Variants in RFX4 observed in about 807,000 individuals in gnomAD.
RFX4 encodes the protein regulatory factor X4.
Under a neutral mutation model 95.0 loss-of-function variants are expected in RFX4, and 10 were observed. The ratio of observed to expected loss-of-function variants is 0.11; its 90% confidence interval spans 0.06 to 0.18. The LOEUF is 0.18. Ranked by LOEUF, RFX4 falls within the 10% of genes least tolerant of loss-of-function variation. The pLI, the probability that RFX4 is intolerant of heterozygous loss-of-function variation, is 1.00. For synonymous variants in RFX4, 321 were observed against 340.7 expected (o/e 0.94, Z 0.64); for missense variants, 640 against 922.0 (o/e 0.69, Z 3.96).
chr12:106,640,778 CTT>C (rs34232717), intron 3 of RFX4, among the ~76,000 whole-genome samples: 31 of 123,576 alleles, frequency 2.5e-4, no homozygotes, highest in African/African-American at 2.9e-4. Flanking sequence ...AATTGACAGA[CTT>C]TTTTTTTTTT....
intron 17 of RFX4, among the ~76,000 whole-genome samples, chr12:106,755,199 T>C (rs1176610493): frequency 2.6e-5 from 4 of 152,148 alleles, no homozygotes; most frequent in Non-Finnish European, 5.9e-5. Flanking sequence ...TGGGCTCAAG[T>C]GATCCTCCCA....
chr12:106,623,776 C>A (rs2040233769), intron 2 of RFX4, among the ~76,000 whole-genome samples: 1 of 152,164 alleles, frequency 6.6e-6, no homozygotes, highest in African/African-American at 2.4e-5. Context: ...CAGAGTGAGA[C>A]CCCATCTCAA....
At chr12:106,734,275 T>A (rs957931541) in intron 15 of RFX4, among the ~76,000 whole-genome samples, 5 of 152,134 alleles carry the variant, frequency 3.3e-5, no homozygotes, top group African/African-American at 1.2e-4. Context: ...ATGGTGAATG[T>A]ACTTAATGCC....
At chr12:106,694,747 A>G (rs117834283) in intron 7 of RFX4, among the ~76,000 whole-genome samples, 1 of 152,222 alleles carries the variant, frequency 6.6e-6, no homozygotes, top group East Asian at 1.9e-4. Flanking sequence ...TCGATAAAGA[A>G]AGCTAATGGC....
At chr12:106,692,172 A>G (rs1455300709) in intron 7 of RFX4, among the ~76,000 whole-genome samples, 2 of 151,532 alleles carry the variant, frequency 1.3e-5, no homozygotes, top group African/African-American at 2.4e-5. Flanking sequence ...AAAAAAAAAA[A>G]TGCAAATCTG....
At chr12:106,742,624 A>C (rs1396247040) in intron 15 of RFX4, among the ~76,000 whole-genome samples, 2 of 152,150 alleles carry the variant, frequency 1.3e-5, no homozygotes, top group Non-Finnish European at 2.9e-5. Context: ...CCTCACTCCC[A>C]ATCTACTGAA....
At chr12:106,650,921 C>T (rs781014436) in intron 3 of RFX4, among the ~76,000 whole-genome samples, 9 of 152,036 alleles carry the variant, frequency 5.9e-5, no homozygotes, top group East Asian at 1.9e-4. Context: ...TATAGCATCC[C>T]GGAAGCACTC....
intron 4 of RFX4, among the ~76,000 whole-genome samples, chr12:106,654,607 C>T (rs2137320586): frequency 6.6e-6 from 1 of 152,252 alleles, no homozygotes; most frequent in East Asian, 1.9e-4. Context: ...CTTATTTTCT[C>T]TGAGAGGCAA....
chr12:106,752,901 G>A (rs1217470286), intron 17 of RFX4, among the ~76,000 whole-genome samples: 1 of 152,006 alleles, frequency 6.6e-6, no homozygotes, highest in Non-Finnish European at 1.5e-5. Flanking sequence ...CCGACTGGTG[G>A]CCAGTTCCAC....
At chr12:106,719,736 T>C (rs2042361452) in intron 11 of RFX4, among the ~76,000 whole-genome samples, 1 of 152,082 alleles carries the variant, frequency 6.6e-6, no homozygotes, top group African/African-American at 2.4e-5. Flanking sequence ...TGGCAAGTAA[T>C]ATGGGATAGC....
At chr12:106,614,194 T>C (rs1031546108) in intron 2 of RFX4, among the ~76,000 whole-genome samples, 3 of 151,978 alleles carry the variant, frequency 2.0e-5, no homozygotes, top group Non-Finnish European at 4.4e-5. Context: ...GGAGTCTCAC[T>C]CTGTCACCCA....
chr12:106,732,287 A>G (rs7307472), intron 14 of RFX4, 38 bp downstream of exon 14: 377,357 of 1,609,544 alleles, frequency 0.23, 46,718 homozygotes, highest in South Asian at 0.28. Flanking sequence ...ACCACTTGGT[A>G]ATGTTATTTG....
At chr12:106,675,962 T>C (rs368506249) in intron 4 of RFX4, among the ~76,000 whole-genome samples, 14 of 152,206 alleles carry the variant, frequency 9.2e-5, no homozygotes, top group African/African-American at 3.4e-4. Flanking sequence ...TCTAGAGGCT[T>C]CATGGAAAAG....
At chr12:106,735,131 G>A (rs1316016906) in intron 15 of RFX4, among the ~76,000 whole-genome samples, 6 of 151,268 alleles carry the variant, frequency 4.0e-5, no homozygotes, top group Non-Finnish European at 7.4e-5. Flanking sequence ...TCTTCAAAAG[G>A]AAATATATAA....
At chr12:106,584,934 C>T (rs758253228) in intron 1 of RFX4, among the ~76,000 whole-genome samples, 2 of 152,184 alleles carry the variant, frequency 1.3e-5, no homozygotes, top group Non-Finnish European at 2.9e-5. Flanking sequence ...GCCCTGCGTG[C>T]CTCTCCGGAC....
chr12:106,620,903 A>G (rs1368393179), intron 2 of RFX4, among the ~76,000 whole-genome samples: 1 of 152,162 alleles, frequency 6.6e-6, no homozygotes, highest in East Asian at 1.9e-4. Context: ...AAAAGAATTT[A>G]GTATATCTTC....
intron 9 of RFX4, among the ~76,000 whole-genome samples, chr12:106,710,623 C>T (rs916466594): frequency 2.6e-5 from 4 of 152,106 alleles, no homozygotes; most frequent in African/African-American, 7.2e-5. Context: ...TTAATTATGC[C>T]GACAAAACAA....
At chr12:106,758,277 AG>A (rs1566010481) in intron 17 of RFX4, among the ~76,000 whole-genome samples, 2 of 152,190 alleles carry the variant, frequency 1.3e-5, no homozygotes, top group Non-Finnish European at 2.9e-5. Flanking sequence ...TGAGCACTTC[AG>A]CTAACTGGTC....
intron 4 of RFX4, among the ~76,000 whole-genome samples, chr12:106,667,056 T>C (rs2041191200): frequency 1.3e-5 from 2 of 152,196 alleles, no homozygotes; most frequent in South Asian, 4.1e-4. Context: ...GGAAGCAATC[T>C]ATTGTCCTGT....
Sources: allele counts gnomAD v4.1 joint callset (sites outside exome capture counted in the v4.1 genomes callset), GRCh38; gene constraint gnomAD v4.1.1; transcripts MANE v1.5; gene names NCBI Gene and HGNC (gene_info 2026-07-23, HGNC 2026-07-21).